ABCB11: variants seen among roughly 807,000 people sequenced by gnomAD.
ABCB11 encodes bile salt export pump.
ABCB11 carries 95 observed loss-of-function variants against 148.0 expected under a neutral mutation model. That is an observed-to-expected ratio of 0.64 (90% confidence interval 0.54 to 0.76). The LOEUF (loss-of-function observed/expected upper bound fraction) is 0.76, where lower values mean the gene tolerates loss of function less well. ABCB11 is among the 30% of genes least tolerant of loss of function. The pLI, the probability that ABCB11 is intolerant of heterozygous loss-of-function variation, is 0.00. For missense variants in ABCB11, 1,523 were observed against 1,617.8 expected (o/e 0.94, Z 1.01); for synonymous variants, 591 against 555.4 (o/e 1.06, Z -0.90).
chr2:168,994,447 T>C (rs950121742), intron 7 of ABCB11, among the ~76,000 whole-genome samples: 1 of 152,114 alleles, frequency 6.6e-6, no homozygotes. Flanking sequence ...TACAGACTCT[T>C]GTTGGGCAAG....
chr2:168,939,860 A>T (rs907645940), intron 21 of ABCB11, among the ~76,000 whole-genome samples: 3 of 152,084 alleles, frequency 2.0e-5, no homozygotes, highest in African/African-American at 4.8e-5. Context: ...TAATTCTCAA[A>T]ATATTCAAAC....
At chr2:168,931,388 A>G (rs1352118207) in intron 24 of ABCB11, among the ~76,000 whole-genome samples, 4 of 152,222 alleles carry the variant, frequency 2.6e-5, no homozygotes, top group Non-Finnish European at 4.4e-5. Context: ...CTTTACATTT[A>G]CTGAACTGAA....
chr2:169,016,979 T>TACACACACACACACACAC, intron 2 of ABCB11, among the ~76,000 whole-genome samples, 180 bp from the exon 3 acceptor site: 1 of 138,004 alleles, frequency 7.2e-6, no homozygotes, highest in East Asian at 2.1e-4. Flanking sequence ...TCTATCTTTC[T>TACACACACACACACACAC]ACACACACAC....
Position 168,995,446 on chromosome 2 carries a change from G to C in ABCB11, c.514C>G (p.Gln172Glu), listed in dbSNP as rs780523186. The C allele has an allele frequency of 1.2e-6, 2 of 1,611,704 alleles. No homozygotes were observed. Among genetic ancestry groups the C allele is most frequent in the Non-Finnish European group, 1.7e-6 (2 of 1,178,762 alleles). The change falls in exon 7 of 28, where the codon CAG becomes GAG. Residue 172 changes from glutamine to glutamate, a missense_variant. Physicochemically the swap from Gln to Glu is conservative, Grantham distance 29 (BLOSUM62 2). Coordinates refer to ENST00000650372, the MANE Select transcript of ABCB11 (RefSeq NM_003742.4). ...CTAAAGTAAAATTTTCTCATTTTCT[G>C]TATCTGACGAGCTGCGGCAATGACC... ...FWVIAAARQIQKMRKFYFRRI... is the reference protein window; with the variant it reads ...FWVIAAARQIEKMRKFYFRRI...
rs1695858504 is a variant in ABCB11, at chr2:169,031,214, A to T, written c.-28+11T>A. 6.6e-6 allele frequency: 1 copy of T among 152,238 alleles called. No individual in the cohort carries two copies. The highest frequency in any genetic ancestry group is 2.4e-5 in the African/African-American group (1 of 41,458). The allele number at this position is 152,238 out of a possible 1,614,324, so 9.4% of individuals were successfully genotyped here. A position where few individuals can be genotyped will look rare whatever the true frequency, so the allele number is the denominator to read the frequency against. ...GGAATGGATTTGCAGAGACAAGTAT[A>T]AGTTACTTACCTGTGAATATGAATT... On this transcript the variant is annotated intron_variant, in intron 1 of 27. Coordinates refer to ENST00000650372, the MANE Select transcript of ABCB11 (RefSeq NM_003742.4).
chr2:168,925,188 T>C (rs1336353019), intron 26 of ABCB11, among the ~76,000 whole-genome samples: 1 of 152,214 alleles, frequency 6.6e-6, no homozygotes, highest in Admixed American at 6.5e-5. Context: ...AATGGAAATG[T>C]CTTTTGCGAG....
chr2:168,960,253 T>G (rs1693010870), intron 18 of ABCB11, among the ~76,000 whole-genome samples: 1 of 151,696 alleles, frequency 6.6e-6, no homozygotes, highest in Non-Finnish European at 1.5e-5. Context: ...ATGTGAGAAC[T>G]CCAAGGCTCC....
intron 25 of ABCB11, 91 bp downstream of exon 25, chr2:168,930,574 G>T: frequency 9.1e-7 from 1 of 1,103,018 alleles, no homozygotes; most frequent in Non-Finnish European, 1.2e-6. Flanking sequence ...ATTTTAAAGT[G>T]AGTCTGGCAA....
chr2:169,023,977 T>C (rs1297288506), intron 1 of ABCB11, among the ~76,000 whole-genome samples: 1 of 152,230 alleles, frequency 6.6e-6, no homozygotes, highest in East Asian at 1.9e-4. Flanking sequence ...TCCTGTGGCT[T>C]TAAAATATTT....
At chr2:168,960,409 C>T (rs975038024) in intron 18 of ABCB11, among the ~76,000 whole-genome samples, 2 of 151,634 alleles carry the variant, frequency 1.3e-5, no homozygotes, top group South Asian at 2.1e-4. Flanking sequence ...ACATTAAATA[C>T]CAGCATTTTC....
At chr2:168,944,486 G>T in intron 21 of ABCB11, 119 bp downstream of exon 21, 1 of 1,137,666 alleles carries the variant, frequency 8.8e-7, no homozygotes, top group Non-Finnish European at 1.2e-6. Flanking sequence ...TGTGGCTTTA[G>T]GATATCCCAA....
At chr2:168,990,584 A>C (rs746251325) in intron 9 of ABCB11, among the ~76,000 whole-genome samples, 1 of 152,098 alleles carries the variant, frequency 6.6e-6, no homozygotes, top group East Asian at 1.9e-4. Context: ...AAAATTGCCA[A>C]CTGCAACATC....
intron 3 of ABCB11, among the ~76,000 whole-genome samples, chr2:169,015,332 G>T (rs188621094): frequency 6.6e-6 from 1 of 152,230 alleles, no homozygotes; most frequent in East Asian, 1.9e-4. Context: ...ACCAACACAG[G>T]CAGAGTCTAG....
chr2:169,031,080 C>T (rs1194956402), intron 1 of ABCB11, 145 bp downstream of exon 1: 1 of 152,114 alleles, frequency 6.6e-6, no homozygotes, highest in Non-Finnish European at 1.5e-5. Flanking sequence ...ATTAATGCAT[C>T]CTGTAAGTTT....
At chr2:168,985,354 T>C (rs1694279343) in intron 10 of ABCB11, among the ~76,000 whole-genome samples, 1 of 152,114 alleles carries the variant, frequency 6.6e-6, no homozygotes, top group African/African-American at 2.4e-5. Flanking sequence ...CTTAAAGAAC[T>C]GAACATAGAA....
At chr2:169,001,644 C>G (rs567935795) in intron 5 of ABCB11, among the ~76,000 whole-genome samples, 2 of 152,252 alleles carry the variant, frequency 1.3e-5, no homozygotes, top group South Asian at 4.1e-4. Context: ...AGAGTGAGGT[C>G]ACCGTTTTCT....
intron 12 of ABCB11, among the ~76,000 whole-genome samples, chr2:168,975,089 A>C (rs1246096240): frequency 9.5e-6 from 1 of 105,168 alleles, no homozygotes; most frequent in Non-Finnish European, 2.0e-5. Context: ...ATATTTTTAT[A>C]TTTAAATATT....
chr2:168,957,883 C>T (rs532953258), intron 19 of ABCB11, 81 bp downstream of exon 19: 12 of 1,270,990 alleles, frequency 9.4e-6, no homozygotes, highest in Non-Finnish European at 1.2e-5. Flanking sequence ...GAGCTAAATA[C>T]ATGAAAACAA....
chr2:169,015,165 C>T (rs1446839448), intron 3 of ABCB11, among the ~76,000 whole-genome samples: 1 of 152,110 alleles, frequency 6.6e-6, no homozygotes, highest in African/African-American at 2.4e-5. Flanking sequence ...GGTCCCTCTG[C>T]CAGGCATTTG....
Sources: gnomAD v4.1 joint callset for allele counts (sites outside exome capture counted in the v4.1 genomes callset) on GRCh38, gnomAD v4.1.1 for gene constraint, MANE v1.5 for transcripts, NCBI Gene and HGNC (gene_info 2026-07-23, HGNC 2026-07-21) for gene names.